The following ADAMTSL1 variants were observed in gnomAD, a reference collection of about 807,000 sequenced individuals.
ADAMTSL1 encodes ADAMTS like 1, also known as ADAMTS-like protein 1.
In ADAMTSL1, 126 loss-of-function variants were observed where a neutral mutation model predicts 201.8. The observed-to-expected ratio is 0.62, with a 90% CI of 0.54 to 0.72. The LOEUF (loss-of-function observed/expected upper bound fraction) is 0.72, where lower values mean the gene tolerates loss of function less well. Ranked by LOEUF, ADAMTSL1 falls within the 30% of genes least tolerant of loss-of-function variation. The pLI is 0.00. For missense variants in ADAMTSL1, 2,679 were observed against 2,277.8 expected (o/e 1.18, Z -3.59); for synonymous variants, 1,121 against 903.4 (o/e 1.24, Z -4.32).
chr9:18,631,408 G>A (rs1459459131), intron 5 of ADAMTSL1, among the ~76,000 whole-genome samples: 2 of 152,162 alleles, frequency 1.3e-5, no homozygotes, highest in African/African-American at 4.8e-5. Flanking sequence ...TCACGAAGAT[G>A]TAAAACATAC....
chr9:17,978,278 G>A (rs1186929544), intron 1 of ADAMTSL1, among the ~76,000 whole-genome samples: 1 of 151,894 alleles, frequency 6.6e-6, no homozygotes, highest in South Asian at 2.1e-4. Context: ...AAATTTAATC[G>A]ATTTTCATTT....
At chr9:18,423,345 G>A (rs1819048944) in intron 2 of ADAMTSL1, among the ~76,000 whole-genome samples, 1 of 152,152 alleles carries the variant, frequency 6.6e-6, no homozygotes, top group South Asian at 2.1e-4. Flanking sequence ...TAGGAAATGA[G>A]CATTTTAAAA....
At chr9:18,579,899 A>G (rs757715824) in intron 4 of ADAMTSL1, among the ~76,000 whole-genome samples, 73 of 152,350 alleles carry the variant, frequency 4.8e-4, no homozygotes, top group Non-Finnish European at 8.8e-4. Flanking sequence ...TCTGTTTTAA[A>G]TATATTTTTT....
At chr9:18,094,647 A>G (rs1348030233) in intron 1 of ADAMTSL1, among the ~76,000 whole-genome samples, 1 of 150,128 alleles carries the variant, frequency 6.7e-6, no homozygotes, top group African/African-American at 2.5e-5. Context: ...TGCAACCTCC[A>G]CCTCCTGGGT....
chr9:18,106,445 T>C (rs925062377), intron 1 of ADAMTSL1, among the ~76,000 whole-genome samples: 3 of 152,170 alleles, frequency 2.0e-5, no homozygotes, highest in Admixed American at 6.6e-5. Context: ...CCTGAGGCCA[T>C]GGGTTTTTCA....
intron 1 of ADAMTSL1, among the ~76,000 whole-genome samples, chr9:17,917,090 T>A (rs1041986863): frequency 1.3e-5 from 2 of 152,138 alleles, no homozygotes; most frequent in African/African-American, 4.8e-5. Flanking sequence ...TACAATTGAT[T>A]TTATATATTC....
intron 3 of ADAMTSL1, 50 bp downstream of exon 3, chr9:18,533,342 A>G (rs776106453): frequency 2.0e-6 from 3 of 1,503,512 alleles, no homozygotes; most frequent in Non-Finnish European, 2.7e-6. Flanking sequence ...TTAGCACTGA[A>G]TGGTGCTAAG....
Position 18,829,851 on chromosome 9 carries a change from C to A in ADAMTSL1, c.4123C>A (p.Gln1375Lys), listed in dbSNP as rs556289827. ...CCTCTGCCTTCTCACAGATCCCCCC[C>A]AAGTCCCCACACAGTTGGAAGACAT... ...STQLLILDPPQVPTQLEDIRA... is the reference protein window; with the variant it reads ...STQLLILDPPKVPTQLEDIRA... Residue 1375 changes from glutamine (Q) to lysine (K), a missense_variant, in exon 23 of 29, where the codon CAA becomes AAA. Gln to Lys is a moderately conservative substitution (Grantham distance 53). Transcript: ENST00000380548. The A allele has an allele frequency of 1.1e-5, 18 of 1,613,994 alleles. No individual in the cohort carries two copies. Among genetic ancestry groups the A allele is most frequent in the East Asian group, 2.2e-5 (1 of 44,884 alleles).
intron 3 of ADAMTSL1, among the ~76,000 whole-genome samples, chr9:18,539,022 G>C (rs2132142634): frequency 1.3e-5 from 2 of 148,192 alleles, no homozygotes; most frequent in Middle Eastern, 3.4e-3. Context: ...ACTCTTTCCA[G>C]CCAACGCTTG....
At chr9:18,786,311 G>A (rs1821704435) in intron 19 of ADAMTSL1, among the ~76,000 whole-genome samples, 1 of 152,072 alleles carries the variant, frequency 6.6e-6, no homozygotes, top group Non-Finnish European at 1.5e-5. Flanking sequence ...AACCCCTTCA[G>A]CCAGAGGAGC....
chr9:18,799,841 C>T (rs1822670056), intron 20 of ADAMTSL1, among the ~76,000 whole-genome samples: 1 of 152,124 alleles, frequency 6.6e-6, no homozygotes, highest in Non-Finnish European at 1.5e-5. Flanking sequence ...AAAAGGCAAT[C>T]ATTTTTTAAA....
rs1220705989 is a variant in ADAMTSL1, at chr9:18,910,310, T to C, written c.*1762T>C. On this transcript the variant is annotated 3_prime_UTR_variant, in exon 29 of 29. Transcript: ENST00000380548. ...AATGTTTTCTATGTCTGTATATCTT[T>C]TGTGAATATTTATTAGGATTTCTTA... is the stretch of plus-strand genomic sequence containing the variant. 6.6e-6 allele frequency: 1 copy of C among 152,224 alleles called. No individual in the cohort carries two copies. Among genetic ancestry groups the C allele is most frequent in the Non-Finnish European group, 1.5e-5 (1 of 68,042 alleles). 9.4% of individuals were successfully genotyped at this position (152,224 alleles called of 1,614,324 possible).
At chr9:18,432,654 G>A (rs1256023013) in intron 2 of ADAMTSL1, among the ~76,000 whole-genome samples, 1 of 152,188 alleles carries the variant, frequency 6.6e-6, no homozygotes, top group Admixed American at 6.5e-5. Context: ...GTGGTTGCTT[G>A]CTGAGGGCCT....
chr9:18,570,194 A>G (rs189082442), intron 3 of ADAMTSL1, among the ~76,000 whole-genome samples: 13 of 151,838 alleles, frequency 8.6e-5, no homozygotes, highest in Non-Finnish European at 2.9e-5. Flanking sequence ...TGCCTGGAGA[A>G]TGAAGGGCGA....
intron 1 of ADAMTSL1, among the ~76,000 whole-genome samples, chr9:18,491,835 C>T (rs189445014): frequency 1.3e-5 from 2 of 152,226 alleles, no homozygotes; most frequent in East Asian, 3.9e-4. Flanking sequence ...ACAAGTAGAG[C>T]TGTACTATTT....
At chr9:18,345,170 A>G (rs575936750) in intron 2 of ADAMTSL1, among the ~76,000 whole-genome samples, 1 of 152,260 alleles carries the variant, frequency 6.6e-6, no homozygotes, top group East Asian at 1.9e-4. Flanking sequence ...CATAAGTCAG[A>G]CAACATATTG....
Position 18,840,821 on chromosome 9 carries a change from G to T in ADAMTSL1, c.4249+10844G>T, listed in dbSNP as rs1264814231. ...CAATTGTGAATGGGAGTTCACTCAT[G>T]ATTTGGCTCTCTGTTTGTCTGTTTT... On this transcript the variant is annotated intron_variant, in intron 23 of 28. Coordinates refer to ENST00000380548, the MANE Select transcript of ADAMTSL1 (RefSeq NM_001040272.6). Among the ~76,000 whole-genome samples the T allele has an allele frequency of 2.0e-5, 3 of 149,400 alleles. No individual in the cohort carries two copies. The Admixed American group carries it at 2.0e-4, about 10-fold the overall frequency.
intron 1 of ADAMTSL1, among the ~76,000 whole-genome samples, chr9:17,982,245 C>G (rs56111255): frequency 0.048 from 7,239 of 152,206 alleles, 231 homozygotes; most frequent in Non-Finnish European, 0.06. Flanking sequence ...TTATAGCATT[C>G]AATCAAATAT....
intron 1 of ADAMTSL1, among the ~76,000 whole-genome samples, chr9:18,154,301 C>T (rs998544609): frequency 3.3e-5 from 5 of 151,914 alleles, no homozygotes; most frequent in African/African-American, 7.2e-5. Flanking sequence ...ATGGGTTGAC[C>T]GAGTTCAACT....
Sources: allele counts gnomAD v4.1 joint callset (sites outside exome capture counted in the v4.1 genomes callset), GRCh38; gene constraint gnomAD v4.1.1; transcripts MANE v1.5; gene names NCBI Gene and HGNC (gene_info 2026-07-23, HGNC 2026-07-21).